Variants in PHACTR4 observed in about 807,000 individuals in gnomAD.
The protein encoded by PHACTR4 is phosphatase and actin regulator 4, also known as protein phosphatase 1, regulatory subunit 124.
A neutral mutation model predicts 72.7 loss-of-function variants in PHACTR4; 51 were observed. The observed-to-expected ratio is 0.70, with a 90% confidence interval of 0.56 to 0.89. The LOEUF (loss-of-function observed/expected upper bound fraction) is 0.89. PHACTR4 is among the 40% of genes least tolerant of loss of function. The pLI, the probability that PHACTR4 is intolerant of heterozygous loss-of-function variation, is 0.00. For missense variants in PHACTR4, 731 were observed against 861.8 expected (o/e 0.85, Z 1.90); for synonymous variants, 255 against 302.5 (o/e 0.84, Z 1.63).
At position 28,466,755 on chromosome 1, in the gene PHACTR4, C is replaced by G. The variant is rs377708357; in HGVS notation, c.810C>G (p.Ser270Arg). ...CCCCTAAACCAGCTCACAGAAATAG[C>G]AACCCTGTCATTGGTAAGTAAGTCT... ...IPPPKPAHRN[S>R]NPVIAELSQA... is the part of the protein sequence containing the mutation. Residue 270 changes from serine (S) to arginine (R), a missense_variant, in exon 6 of 14, where the codon AGC becomes AGG. Coordinates refer to ENST00000373839, the MANE Select transcript of PHACTR4 (RefSeq NM_001048183.3). 1.2e-4 allele frequency: 201 copies of G among 1,609,866 alleles called. 1 individual carries two copies. Among genetic ancestry groups the G allele is most frequent in the Admixed American group, 3.5e-4 (21 of 59,698 alleles).
intron 8 of PHACTR4, among the ~76,000 whole-genome samples, chr1:28,478,334 G>A (rs1456354968): frequency 6.6e-6 from 1 of 152,018 alleles, no homozygotes; most frequent in African/African-American, 2.4e-5. Context: ...CATATCTTGG[G>A]GATTATAAAT....
chr1:28,431,987 G>C (rs888617971), intron 2 of PHACTR4, among the ~76,000 whole-genome samples: 37 of 152,000 alleles, frequency 2.4e-4, no homozygotes, highest in African/African-American at 8.5e-4. Flanking sequence ...GAAGTGGGCA[G>C]ATCATGAGGT....
intron 1 of PHACTR4, among the ~76,000 whole-genome samples, chr1:28,381,985 C>A (rs1421222621): frequency 6.6e-6 from 1 of 151,970 alleles, no homozygotes; most frequent in Non-Finnish European, 1.5e-5. Flanking sequence ...CCAGGCTGGT[C>A]TCGAACTCCT....
chr1:28,437,497 T>C (rs1019461986), intron 2 of PHACTR4, among the ~76,000 whole-genome samples: 1 of 152,232 alleles, frequency 6.6e-6, no homozygotes, highest in African/African-American at 2.4e-5. Flanking sequence ...CCCAAAGTGC[T>C]AGGATTACAG....
At chr1:28,496,050 CTTTTTTTT>C (rs59019895) in intron 13 of PHACTR4, among the ~76,000 whole-genome samples, 1 of 88,762 alleles carries the variant, frequency 1.1e-5, no homozygotes, top group African/African-American at 4.8e-5. Flanking sequence ...GAGAAGAGTT[CTTTTTTTT>C]TTTTTTTTTT....
At chr1:28,415,275 GA>G (rs1655038288) in intron 2 of PHACTR4, among the ~76,000 whole-genome samples, 2 of 73,580 alleles carry the variant, frequency 2.7e-5, no homozygotes, top group Non-Finnish European at 6.1e-5. Flanking sequence ...AAAAAAAAAA[GA>G]GAGAGAAAAG....
chr1:28,461,103 C>T (rs1429669895), intron 4 of PHACTR4, among the ~76,000 whole-genome samples: 1 of 152,160 alleles, frequency 6.6e-6, no homozygotes, highest in African/African-American at 2.4e-5. Context: ...CATCTCATTT[C>T]TCTTCATCTG....
intron 1 of PHACTR4, among the ~76,000 whole-genome samples, chr1:28,371,458 C>T (rs1312085441): frequency 2.0e-5 from 3 of 151,908 alleles, no homozygotes; most frequent in African/African-American, 7.3e-5. Flanking sequence ...CCATGCCCAG[C>T]TAGTTTTTGT....
intron 2 of PHACTR4, among the ~76,000 whole-genome samples, chr1:28,434,319 CCTTT>C (rs1370993611): frequency 1.5e-5 from 2 of 132,586 alleles, no homozygotes; most frequent in East Asian, 1.9e-4. Flanking sequence ...TGCTAAGAAT[CCTTT>C]CTTTTTTTTT....
At chr1:28,487,082 TG>T (rs1476278786) in intron 9 of PHACTR4, among the ~76,000 whole-genome samples, 2 of 151,774 alleles carry the variant, frequency 1.3e-5, no homozygotes, top group African/African-American at 4.8e-5. Context: ...AAAAATAAAA[TG>T]GGGCGGGGCA....
intron 11 of PHACTR4, 73 bp downstream of exon 11, chr1:28,491,085 A>G (rs10915235): frequency 0.32 from 459,828 of 1,443,788 alleles, 78,064 homozygotes; most frequent in African/African-American, 0.61. Context: ...AAATGAATTC[A>G]CAGCTGGGCA....
chr1:28,375,330 C>CA (rs1651568427), intron 1 of PHACTR4, among the ~76,000 whole-genome samples: 1 of 135,902 alleles, frequency 7.4e-6, no homozygotes, highest in African/African-American at 2.7e-5. Flanking sequence ...CACCCACCCC[C>CA]CCAAAAAAAA....
At position 28,448,687 on chromosome 1, in the gene PHACTR4, G is replaced by A. The variant is rs370172155; in HGVS notation, c.17-10398G>A. Among the ~76,000 whole-genome samples the A allele has an allele frequency of 1.5e-4, 21 of 141,524 alleles. No homozygotes were observed. In the East Asian group the frequency reaches 4.1e-3, roughly 27 times the overall value. 92.8% of individuals were successfully genotyped at this position (141,524 alleles called of 152,430 possible). On this transcript the variant is annotated intron_variant, in intron 2 of 13. Transcript: ENST00000373839. ...TGAGGCAGGAGAATGGCGTGAACCC[G>A]GGAGGTGGAGCTTGCAGTGAGCCGA... is the stretch of plus-strand genomic sequence containing the variant.
At chr1:28,481,424 G>A (rs1020184113) in intron 9 of PHACTR4, 2 of 152,160 alleles carry the variant, frequency 1.3e-5, no homozygotes, top group East Asian at 3.8e-4. Context: ...GGCCCTTTGG[G>A]CCTGACAACA....
At chr1:28,487,183 G>A (rs1013958769) in intron 9 of PHACTR4, among the ~76,000 whole-genome samples, 2 of 151,850 alleles carry the variant, frequency 1.3e-5, no homozygotes, top group African/African-American at 2.4e-5. Flanking sequence ...TGGCTAACAC[G>A]GTGAAACGCC....
At chr1:28,434,068 G>A (rs1656472922) in intron 2 of PHACTR4, among the ~76,000 whole-genome samples, 1 of 152,192 alleles carries the variant, frequency 6.6e-6, no homozygotes, top group Non-Finnish European at 1.5e-5. Context: ...GTGAGCCACT[G>A]CACCTGTCTA....
intron 1 of PHACTR4, among the ~76,000 whole-genome samples, chr1:28,381,693 A>G (rs1652182542): frequency 6.6e-6 from 1 of 152,054 alleles, no homozygotes. Flanking sequence ...ATGGTCAGTG[A>G]TGTTGAGCTT....
rs1023986075 is a variant in PHACTR4 at position 28,480,702 on chromosome 1, G to A, written c.1760+98G>A. ...TGTTTTTTTGTGTGTGTTTTGTTTC[G>A]TTTTCTGAGACAGGGTCTTGCTCTG... On this transcript the variant is annotated intron_variant, in intron 9 of 13. Transcript: ENST00000373839. 36 of 1,492,154 alleles carry A rather than the reference G, an allele frequency of 2.4e-5. 1 individual carries two copies. The highest frequency in any genetic ancestry group is 2.1e-4 in the East Asian group (9 of 43,572). The allele number at this position is 1,492,154 out of a possible 1,614,324, so 92.4% of individuals were successfully genotyped here.
chr1:28,484,196 C>T (rs1482672581), intron 9 of PHACTR4, among the ~76,000 whole-genome samples: 1 of 152,134 alleles, frequency 6.6e-6, no homozygotes, highest in Non-Finnish European at 1.5e-5. Context: ...TGGCGCCCAC[C>T]TGTAATCCCA....
Sources: allele counts gnomAD v4.1 joint callset (sites outside exome capture counted in the v4.1 genomes callset), GRCh38; gene constraint gnomAD v4.1.1; transcripts MANE v1.5; gene names NCBI Gene and HGNC (gene_info 2026-07-23, HGNC 2026-07-21).